Variants in GREM2 observed in about 807,000 individuals in gnomAD.
GREM2 encodes gremlin-2.
Under a neutral mutation model 14.2 loss-of-function variants are expected in GREM2, and 11 were observed. The observed-to-expected ratio is 0.78, with a 90% CI of 0.49 to 1.28. GREM2 has a LOEUF of 1.28. Ranked by LOEUF, GREM2 falls within the 50% of genes most tolerant of loss-of-function variation. GREM2 has a pLI of 0.00. For synonymous variants in GREM2, 98 were observed against 97.6 expected (o/e 1.00, Z -0.02); for missense variants, 210 against 218.5 (o/e 0.96, Z 0.24).
At position 240,508,029 on chromosome 1, in the gene GREM2, C is replaced by T. The variant is rs115799965; in HGVS notation, c.-1-14553G>A. Reference sequence around the variant, plus strand: ...TCCTGAAAAGCTAAACAATGAGGTACGTGCCGAGCTGGTGCCTGGGCTTGA... The same window carrying T: ...TCCTGAAAAGCTAAACAATGAGGTATGTGCCGAGCTGGTGCCTGGGCTTGA... On this transcript the variant is annotated intron_variant, in intron 1 of 1. Coordinates refer to ENST00000318160, the MANE Select transcript of GREM2 (RefSeq NM_022469.4). 3.3e-3 allele frequency among the ~76,000 whole-genome samples: 504 copies of T among 152,252 alleles called. 3 individuals carry two copies. Among genetic ancestry groups the T allele is most frequent in the African/African-American group, 0.012 (483 of 41,544 alleles).
chr1:240,544,062 T>C (rs1678659080), intron 1 of GREM2, among the ~76,000 whole-genome samples: 1 of 152,130 alleles, frequency 6.6e-6, no homozygotes, highest in Admixed American at 6.5e-5. Flanking sequence ...TGAAGTGATG[T>C]ATAGACACTG....
intron 1 of GREM2, among the ~76,000 whole-genome samples, chr1:240,524,330 G>T (rs926730944): frequency 1.3e-5 from 2 of 152,136 alleles, no homozygotes; most frequent in Non-Finnish European, 2.9e-5. Flanking sequence ...TTTTTTAGAG[G>T]TAATTTACAT....
At chr1:240,494,515 A>C (rs1490813200) in intron 1 of GREM2, among the ~76,000 whole-genome samples, 1 of 152,242 alleles carries the variant, frequency 6.6e-6, no homozygotes, top group African/African-American at 2.4e-5. Context: ...TACTAGTTGC[A>C]TCTGTATTAT....
chr1:240,526,671 G>A (rs985605169), intron 1 of GREM2, among the ~76,000 whole-genome samples: 2 of 152,080 alleles, frequency 1.3e-5, no homozygotes, highest in East Asian at 1.9e-4. Context: ...CCAAATCTCC[G>A]TGCTTACGTG....
chr1:240,585,720 A>C (rs1679584852), intron 1 of GREM2, among the ~76,000 whole-genome samples: 1 of 127,082 alleles, frequency 7.9e-6, no homozygotes. Flanking sequence ...ACAGAGAGAG[A>C]CTCCATCTCA....
At chr1:240,562,270 T>C (rs1209394292) in intron 1 of GREM2, among the ~76,000 whole-genome samples, 1 of 152,216 alleles carries the variant, frequency 6.6e-6, no homozygotes, top group Non-Finnish European at 1.5e-5. Context: ...CCAGGGCTCC[T>C]TTCCTTTTGT....
At chr1:240,605,234 G>A (rs560160372) in intron 1 of GREM2, among the ~76,000 whole-genome samples, 1 of 152,102 alleles carries the variant, frequency 6.6e-6, no homozygotes, top group Non-Finnish European at 1.5e-5. Flanking sequence ...AAGTAAAAAT[G>A]GCCTTACTAA....
Position 240,601,831 on chromosome 1 carries a change from C to T in GREM2, c.-2+10053G>A, listed in dbSNP as rs572162251. On this transcript the variant is annotated intron_variant, in intron 1 of 1. Transcript: ENST00000318160. The stretch of plus-strand genomic sequence containing the variant: ...CTGAGGCAGGAGAATCGCTTGAACC[C>T]GGGAGGCGGAGGTTGCAGCGAGCCA... Among the ~76,000 whole-genome samples, 237 of 150,320 alleles carry T rather than the reference C, an allele frequency of 1.6e-3. 1 individual carries two copies. Among genetic ancestry groups the T allele is most frequent in the African/African-American group, 5.3e-3 (216 of 40,894 alleles).
chr1:240,578,822 GA>G (rs945706517), intron 1 of GREM2, among the ~76,000 whole-genome samples: 1 of 142,974 alleles, frequency 7.0e-6, no homozygotes, highest in Middle Eastern at 3.6e-3. Flanking sequence ...AATAAAAATA[GA>G]AAAAAAAGAG....
chr1:240,546,870 T>C (rs966594103), intron 1 of GREM2, among the ~76,000 whole-genome samples: 4 of 141,458 alleles, frequency 2.8e-5, no homozygotes. Flanking sequence ...GCTTATCACT[T>C]AGTAAAAAAA....
At chr1:240,564,505 C>T (rs1487994412) in intron 1 of GREM2, among the ~76,000 whole-genome samples, 1 of 114,342 alleles carries the variant, frequency 8.7e-6, no homozygotes, top group South Asian at 3.0e-4. Flanking sequence ...AAGACCCTGT[C>T]TCAAAAAAAA....
At chr1:240,525,048 CA>C (rs5782149) in intron 1 of GREM2, among the ~76,000 whole-genome samples, 140,433 of 152,130 alleles carry the variant, frequency 0.92, 64,836 homozygotes, top group East Asian at 0.94. Flanking sequence ...ACCTCAGCTA[CA>C]ATTCCATGTG....
chr1:240,521,528 A>ACG (rs1558147728), intron 1 of GREM2, among the ~76,000 whole-genome samples: 69 of 151,968 alleles, frequency 4.5e-4, no homozygotes, highest in Admixed American at 9.2e-4. Flanking sequence ...CCGAGATGGC[A>ACG]CCACTGCACT....
At chr1:240,526,559 T>C (rs1309172079) in intron 1 of GREM2, among the ~76,000 whole-genome samples, 1 of 152,174 alleles carries the variant, frequency 6.6e-6, no homozygotes, top group African/African-American at 2.4e-5. Context: ...TACTCCTGCC[T>C]TCTTCTCTAA....
chr1:240,550,341 G>A (rs1678822118), intron 1 of GREM2: 1 of 152,058 alleles, frequency 6.6e-6, no homozygotes, highest in Non-Finnish European at 1.5e-5. Context: ...GATTACTAGG[G>A]GAACTAGCCA....
At chr1:240,561,911 G>A (rs1679047939) in intron 1 of GREM2, among the ~76,000 whole-genome samples, 1 of 152,036 alleles carries the variant, frequency 6.6e-6, no homozygotes, top group Non-Finnish European at 1.5e-5. Flanking sequence ...TCAAATTGAG[G>A]GTTCAGCGTT....
chr1:240,549,412 C>G (rs1678801571), intron 1 of GREM2, among the ~76,000 whole-genome samples: 1 of 151,196 alleles, frequency 6.6e-6, no homozygotes, highest in South Asian at 2.1e-4. Context: ...AATAATACAT[C>G]AACTAATTGG....
chr1:240,536,547 CAT>C (rs1423359097), intron 1 of GREM2, among the ~76,000 whole-genome samples: 4 of 152,136 alleles, frequency 2.6e-5, no homozygotes, highest in African/African-American at 7.2e-5. Context: ...GGAAACATGA[CAT>C]GTGAAAAATA....
intron 1 of GREM2, among the ~76,000 whole-genome samples, chr1:240,600,639 G>A (rs1470878608): frequency 6.6e-6 from 1 of 151,684 alleles, no homozygotes; most frequent in Non-Finnish European, 1.5e-5. Flanking sequence ...GCCCACCACC[G>A]CACACGGCTA....
Sources: gnomAD v4.1 joint callset for allele counts (sites outside exome capture counted in the v4.1 genomes callset) on GRCh38, gnomAD v4.1.1 for gene constraint, MANE v1.5 for transcripts, NCBI Gene and HGNC (gene_info 2026-07-23, HGNC 2026-07-21) for gene names.